Variants in CNOT2 observed in about 807,000 individuals in gnomAD.
The protein encoded by CNOT2 is CC chemokine receptor 4-negative regulator of transcription 2.
CNOT2 carries 7 observed loss-of-function variants against 72.1 expected under a neutral mutation model. The ratio of observed to expected loss-of-function variants is 0.10; its 90% CI spans 0.06 to 0.18. The LOEUF is 0.18. Ranked by LOEUF, CNOT2 falls within the 10% of genes least tolerant of loss-of-function variation. The pLI is 1.00. For missense variants in CNOT2, 345 were observed against 660.3 expected, an observed-to-expected ratio of 0.52 and a Z score of 5.23; for synonymous variants, 196 against 225.6, an observed-to-expected ratio of 0.87 and a Z score of 1.17.
At chr12:70,318,529 C>A (rs571352746) in intron 3 of CNOT2, among the ~76,000 whole-genome samples, 1 of 151,696 alleles carries the variant, frequency 6.6e-6, no homozygotes, top group African/African-American at 2.4e-5. Flanking sequence ...GAGGGAAGAC[C>A]CCTTCATTGT....
intron 8 of CNOT2, chr12:70,335,798 C>T: frequency 3.1e-6 from 1 of 325,010 alleles, no homozygotes; most frequent in South Asian, 6.9e-5. Context: ...AAGAGGAAGT[C>T]CTCATTGGTA....
chr12:70,260,031 A>G (rs980737811), intron 1 of CNOT2, among the ~76,000 whole-genome samples: 6 of 152,206 alleles, frequency 3.9e-5, no homozygotes, highest in African/African-American at 1.4e-4. Context: ...TGGTATGCCT[A>G]TCCTTATGCC....
At chr12:70,322,956 A>G (rs148101085) in intron 4 of CNOT2, 6 of 151,838 alleles carry the variant, frequency 4.0e-5, no homozygotes, top group East Asian at 3.9e-4. Flanking sequence ...GGACATATTT[A>G]TATGTAAAAT....
At chr12:70,293,223 C>A (rs1405001120) in intron 2 of CNOT2, among the ~76,000 whole-genome samples, 1 of 149,870 alleles carries the variant, frequency 6.7e-6, no homozygotes, top group Admixed American at 6.7e-5. Context: ...TGCAGTGGCA[C>A]GATCTAAACT....
intron 3 of CNOT2, among the ~76,000 whole-genome samples, chr12:70,316,833 G>A (rs971398417): frequency 6.6e-6 from 1 of 152,066 alleles, no homozygotes; most frequent in Non-Finnish European, 1.5e-5. Flanking sequence ...TTTTGAGAGG[G>A]CAGGTAGATA....
chr12:70,243,344 A>C (rs553649062), upstream of CNOT2: 2 of 152,524 alleles, frequency 1.3e-5, no homozygotes, highest in African/African-American at 4.8e-5. Context: ...CGTCGCTCCC[A>C]CCTTCCGCTG....
Position 70,353,935 on chromosome 12 carries a change from A to AAAAAAAAC in CNOT2, c.*23_*24insAAAACAAA. On this transcript the variant is annotated 3_prime_UTR_variant, in exon 16 of 16. Transcript: ENST00000229195. The stretch of plus-strand genomic sequence containing the variant: ...TTCTAAAAAAAAAAAAAAAAAAAAA[A>AAAAAAAAC]AAAGACTTCCCTTTTCTTGGGGTAT... The AAAAAAAAC allele has an allele frequency of 6.3e-7, 1 of 1,579,594 alleles. No homozygotes were observed. Among genetic ancestry groups the AAAAAAAAC allele is most frequent in the Non-Finnish European group, 8.5e-7 (1 of 1,169,926 alleles).
chr12:70,304,751 G>T (rs970505383), intron 2 of CNOT2, among the ~76,000 whole-genome samples: 1 of 152,252 alleles, frequency 6.6e-6, no homozygotes, highest in African/African-American at 2.4e-5. Context: ...CCTTTTGTTT[G>T]TCTGTGCCCT....
intron 3 of CNOT2, among the ~76,000 whole-genome samples, chr12:70,311,610 TTTAGAATGCAACCAAGTCATAA>T (rs1876474439): frequency 6.6e-6 from 1 of 152,008 alleles, no homozygotes; most frequent in South Asian, 2.1e-4. Flanking sequence ...GATAAAAGGA[TTTAGAATGCAACCAAGTCATAA>T]TTAGCAAATT....
intron 3 of CNOT2, among the ~76,000 whole-genome samples, chr12:70,311,640 A>G (rs1342788300): frequency 2.6e-5 from 4 of 152,040 alleles, no homozygotes; most frequent in African/African-American, 9.7e-5. Context: ...TAATTAGCAA[A>G]TTTATAAAAT....
intron 2 of CNOT2, chr12:70,294,299 G>T: frequency 7.8e-7 from 1 of 1,289,406 alleles, no homozygotes; most frequent in Non-Finnish European, 1.0e-6. Flanking sequence ...GCACAGGTAA[G>T]TATGTGGTGG....
chr12:70,338,419 C>A, intron 9 of CNOT2, 24 bp from the exon 10 acceptor site: 1 of 1,580,472 alleles, frequency 6.3e-7, no homozygotes. Context: ...ATTTTAATGT[C>A]ACATTTAATT....
At chr12:70,310,798 C>T (rs1479134299) in intron 2 of CNOT2, 97 bp from the exon 3 acceptor site, 1 of 964,998 alleles carries the variant, frequency 1.0e-6, no homozygotes, top group Non-Finnish European at 1.5e-6. Context: ...TGTATCTTAG[C>T]AATGCTCCCT....
At chr12:70,324,976 A>T (rs1412841781) in intron 4 of CNOT2, among the ~76,000 whole-genome samples, 1 of 151,408 alleles carries the variant, frequency 6.6e-6, no homozygotes, top group African/African-American at 2.4e-5. Context: ...TTCCAGACTC[A>T]CTCTATTCCC....
chr12:70,252,247 C>T (rs1440151727), intron 1 of CNOT2, among the ~76,000 whole-genome samples: 2 of 152,098 alleles, frequency 1.3e-5, no homozygotes, highest in African/African-American at 4.8e-5. Flanking sequence ...AATGCAGTAT[C>T]ATGATCACGG....
At chr12:70,341,172 C>T (rs533281938) in intron 11 of CNOT2, among the ~76,000 whole-genome samples, 26 of 152,188 alleles carry the variant, frequency 1.7e-4, no homozygotes, top group African/African-American at 5.8e-4. Context: ...AGGTGTGAGC[C>T]ACCGCGCTTG....
intron 15 of CNOT2, among the ~76,000 whole-genome samples, chr12:70,352,996 C>T (rs1883055908): frequency 1.3e-5 from 2 of 151,248 alleles, no homozygotes; most frequent in Non-Finnish European, 2.9e-5. Flanking sequence ...TTGTGAAATG[C>T]AAGTCTAGTG....
intron 2 of CNOT2, among the ~76,000 whole-genome samples, chr12:70,297,391 A>C (rs1212686387): frequency 6.6e-6 from 1 of 152,162 alleles, no homozygotes; most frequent in African/African-American, 2.4e-5. Context: ...GAAGCAGTGA[A>C]TGAGACAATT....
At chr12:70,281,009 T>TA (rs1396742554) in intron 2 of CNOT2, among the ~76,000 whole-genome samples, 1 of 150,750 alleles carries the variant, frequency 6.6e-6, no homozygotes, top group Admixed American at 6.6e-5. Context: ...TAGACTAACT[T>TA]ACCCTAGCTA....
Sources: allele counts gnomAD v4.1 joint callset (sites outside exome capture counted in the v4.1 genomes callset), GRCh38; gene constraint gnomAD v4.1.1; transcripts MANE v1.5; gene names NCBI Gene and HGNC (gene_info 2026-07-23, HGNC 2026-07-21).